The following GIGYF1 variants were observed in gnomAD, a reference collection of about 807,000 sequenced individuals.
GIGYF1 encodes the protein GRB10-interacting GYF protein 1.
Under a neutral mutation model 147.1 loss-of-function variants are expected in GIGYF1, and 84 were observed. The observed-to-expected ratio is 0.57, with a 90% CI of 0.48 to 0.68. GIGYF1 has a LOEUF of 0.68. GIGYF1 is among the 30% of genes least tolerant of loss of function. The pLI is 0.00. For missense variants in GIGYF1, 1,485 were observed against 1,393.7 expected (o/e 1.07, Z -1.04); for synonymous variants, 752 against 589.5 (o/e 1.28, Z -3.99).
At chr7:100,686,507 C>T (rs759882955) in intron 10 of GIGYF1, 74 bp from the exon 11 acceptor site, 429 of 1,521,536 alleles carry the variant, frequency 2.8e-4, no homozygotes, top group Non-Finnish European at 3.5e-4. Context: ...CTGCAGCTCA[C>T]GGAGCACCTC....
rs201523623 is a variant in GIGYF1, at chr7:100,687,488, C to T, written c.373+17G>A. On this transcript the variant is annotated intron_variant, in intron 7 of 26. Transcript: ENST00000678049. The stretch of plus-strand genomic sequence containing the variant: ...CCCAGATCTGCCCGTCCCCAGGACA[C>T]GCCATCACCCCTCTACCTCGGCTCC... 7.4e-5 allele frequency: 119 copies of T among 1,606,868 alleles called. 2 individuals are homozygous for T. The highest frequency in any genetic ancestry group is 3.8e-4 in the East Asian group (17 of 44,798).
rs1584508102 is a variant in GIGYF1, at chr7:100,688,994, G to A, written c.-537C>T. ...AGCCACAAATAGCTTACAGAGAAAA[G>A]GTCAGTTACGGAGAAAAGGATTAGA... is the stretch of plus-strand genomic sequence containing the variant. On this transcript the variant is annotated 5_prime_UTR_variant, in exon 2 of 27. Transcript: ENST00000678049. 1 of 153,056 alleles carries A rather than the reference G, an allele frequency of 6.5e-6. No individual in the cohort carries two copies. Among genetic ancestry groups the A allele is most frequent in the Non-Finnish European group, 1.5e-5 (1 of 68,560 alleles). The allele number at this position is 153,056 out of a possible 1,614,324, so 9.5% of individuals were successfully genotyped here.
chr7:100,682,317 C>T lies in GIGYF1; in HGVS notation c.2761+5G>A. On this transcript the variant is annotated splice_donor_5th_base_variant and intron_variant, in intron 24 of 26. Coordinates refer to ENST00000678049, the MANE Select transcript of GIGYF1 (RefSeq NM_001375765.1). Reference sequence around the variant, plus strand: ...CCGCCCACCTCCTGGGAGCCGCTCGCCCACCGTCCAGGCTGCCCGTGGCGC... The same window carrying T: ...CCGCCCACCTCCTGGGAGCCGCTCGTCCACCGTCCAGGCTGCCCGTGGCGC... 1 of 1,611,256 alleles carries T rather than the reference C, an allele frequency of 6.2e-7. No homozygotes were observed. The highest frequency in any genetic ancestry group is 1.1e-5 in the South Asian group (1 of 91,034).
At chr7:100,683,982 C>G (rs534789262) in intron 18 of GIGYF1, 38 bp downstream of exon 18, 122 of 1,584,792 alleles carry the variant, frequency 7.7e-5, no homozygotes, top group Middle Eastern at 6.6e-4. Flanking sequence ...CCATCCCCCC[C>G]CCACCCTGTA....
chr7:100,682,953 C>G, intron 22 of GIGYF1, 59 bp downstream of exon 22: 15 of 1,381,424 alleles, frequency 1.1e-5, no homozygotes, highest in Non-Finnish European at 1.4e-5. Flanking sequence ...TCAGTATCCC[C>G]CTCCCTGTGC....
At chr7:100,691,648 CT>C (rs1805839522) in intron 1 of GIGYF1, among the ~76,000 whole-genome samples, 1 of 152,072 alleles carries the variant, frequency 6.6e-6, no homozygotes, top group African/African-American at 2.4e-5. Context: ...GCTTACCCGG[CT>C]GAGCTTTCTC....
rs1805597679 is a variant in GIGYF1 at position 100,688,614 on chromosome 7, A to C, written c.-157T>G. 2 of 493,700 alleles carry C rather than the reference A, an allele frequency of 4.1e-6. No homozygotes were observed. Among genetic ancestry groups the C allele is most frequent in the South Asian group, 3.2e-5 (2 of 62,528 alleles). The allele number at this position is 493,700 out of a possible 1,614,324, so 30.6% of individuals were successfully genotyped here. A position where few individuals can be genotyped will look rare whatever the true frequency, so the allele number is the denominator to read the frequency against. ...CACCTGGCAGCCTGGCCCGGGAAGA[A>C]GGAGGGCAGGGGCTGGTGCTGGAGT... On this transcript the variant is annotated 5_prime_UTR_variant, in exon 2 of 27. Coordinates refer to ENST00000678049, the MANE Select transcript of GIGYF1 (RefSeq NM_001375765.1).
In GIGYF1 at chr7:100,682,435, T is replaced by C. The variant is rs1365722569; in HGVS notation, c.2648A>G (p.Glu883Gly). ...CAGCTTCAGCAGCTTCTCTTCTTCCTCCGTCTTTTTGCGAATGGGCCGACC... is the reference window on the plus strand; with the variant it reads ...CAGCTTCAGCAGCTTCTCTTCTTCCCCCGTCTTTTTGCGAATGGGCCGACC... ...LSGRPIRKKTEEEEKLLKLLQ... is the reference protein window; with the variant it reads ...LSGRPIRKKTGEEEKLLKLLQ... Residue 883 changes from glutamate (E) to glycine (G), a missense_variant, in exon 24 of 27, where the codon GAG becomes GGG. By Grantham distance (98) the Glu-to-Gly change is moderately conservative. Coordinates refer to ENST00000678049, the MANE Select transcript of GIGYF1 (RefSeq NM_001375765.1). The C allele has an allele frequency of 6.2e-7, 1 of 1,613,528 alleles. No homozygotes were observed.
Position 100,684,529 on chromosome 7 carries a change from C to A in GIGYF1, c.1550G>T (p.Gly517Val). Reference sequence around the variant, plus strand: ...GATCACCTCGCCCAGCGGCTGGAAGCCCTCATCGCAGCCCCGCTTCACCAG... The same window carrying A: ...GATCACCTCGCCCAGCGGCTGGAAGACCTCATCGCAGCCCCGCTTCACCAG... ...SLLVKRGCDEGFQPLGEVIKM... is the reference protein window; with the variant it reads ...SLLVKRGCDEVFQPLGEVIKM... Residue 517 changes from glycine to valine, a missense_variant, in exon 16 of 27, where the codon GGC becomes GTC. Coordinates refer to ENST00000678049, the MANE Select transcript of GIGYF1 (RefSeq NM_001375765.1). 1 of 1,614,022 alleles carries A rather than the reference C, an allele frequency of 6.2e-7. No individual in the cohort carries two copies. The highest frequency in any genetic ancestry group is 8.5e-7 in the Non-Finnish European group (1 of 1,180,034).
intron 1 of GIGYF1, among the ~76,000 whole-genome samples, chr7:100,691,921 C>T (rs1006188793): frequency 6.6e-6 from 1 of 152,286 alleles, no homozygotes; most frequent in Non-Finnish European, 1.5e-5. Context: ...CTCTGGGGCT[C>T]AGAACTCAAG....
chr7:100,690,781 C>A (rs1357083133), intron 1 of GIGYF1, among the ~76,000 whole-genome samples: 116 of 93,496 alleles, frequency 1.2e-3, no homozygotes, highest in South Asian at 1.6e-3. Flanking sequence ...GACTCTGTCT[C>A]AAAAAAAAAA....
Position 100,683,863 on chromosome 7 carries a change from A to C in GIGYF1, c.1924T>G (p.Ser642Ala), listed in dbSNP as rs1259295707. Residue 642 changes from serine to alanine, a missense_variant, in exon 19 of 27, where the codon TCG becomes GCG. Ser to Ala is a moderately conservative substitution (Grantham distance 99, BLOSUM62 1). Transcript: ENST00000678049. The stretch of plus-strand genomic sequence containing the variant: ...GTATGTACGTCCCAGAGGCGGCCCG[A>C]ATCTGGCACCGACAAGGACCGGCTC... ...TMSRSLSVPD[S>A]GRLWDVHTSA... The C allele has an allele frequency of 3.8e-6, 6 of 1,563,324 alleles. No individual in the cohort carries two copies. Among genetic ancestry groups the C allele is most frequent in the Non-Finnish European group, 5.2e-6 (6 of 1,153,358 alleles).
rs753290014 is a variant in GIGYF1 at position 100,685,329 on chromosome 7, A to G, written c.1192+15T>C. The G allele has an allele frequency of 6.3e-7, 1 of 1,583,950 alleles. No homozygotes were observed. Among genetic ancestry groups the G allele is most frequent in the Non-Finnish European group, 8.6e-7 (1 of 1,168,550 alleles). ...CCCCAGCGCACCCGGGAGGTAGGCC[A>G]TCCTCCCTTCCTACCTTCGGCCGCT... On this transcript the variant is annotated intron_variant, in intron 13 of 26. Coordinates refer to ENST00000678049, the MANE Select transcript of GIGYF1 (RefSeq NM_001375765.1).
chr7:100,682,698 C>G lies in GIGYF1; in HGVS notation c.2492G>C (p.Ser831Thr). 1.3e-6 allele frequency: 2 copies of G among 1,596,936 alleles called. No individual in the cohort carries two copies. The highest frequency in any genetic ancestry group is 3.4e-4 in the Middle Eastern group (2 of 5,962). Reference protein sequence around the residue: ...AGPLWGGPDKSGGGSSGLGLW... With the variant: ...AGPLWGGPDKTGGGSSGLGLW... Reference sequence around the variant, plus strand: ...CCCCAGGCCGCTGCTGCCGCCCCCACTCTTGTCTGGCCCGCCCCACAGTGG... The same window carrying G: ...CCCCAGGCCGCTGCTGCCGCCCCCAGTCTTGTCTGGCCCGCCCCACAGTGG... Residue 831 changes from serine to threonine, a missense_variant, in exon 23 of 27, where the codon AGT (serine) becomes ACT (threonine). Coordinates refer to ENST00000678049, the MANE Select transcript of GIGYF1 (RefSeq NM_001375765.1).
At chr7:100,690,185 G>A (rs1228546294) in intron 1 of GIGYF1, among the ~76,000 whole-genome samples, 1 of 152,184 alleles carries the variant, frequency 6.6e-6, no homozygotes, top group Non-Finnish European at 1.5e-5. Flanking sequence ...AAGGTATCTG[G>A]AGATAACCAC....
chr7:100,684,912 G>T lies in GIGYF1; in HGVS notation c.1291-18C>A. ...TCCGCCTCCTGGATGCCCAGAAAAA[G>T]AAGAAAGGCTCAGCTGCCAATCTCA... On this transcript the variant is annotated intron_variant, in intron 14 of 26. Transcript: ENST00000678049. 6.2e-7 allele frequency: 1 copy of T among 1,605,864 alleles called. No individual in the cohort carries two copies. Among genetic ancestry groups the T allele is most frequent in the Non-Finnish European group, 8.5e-7 (1 of 1,175,748 alleles).
Position 100,681,491 on chromosome 7 carries a change from A to T in GIGYF1, c.*228T>A. 2.5e-6 allele frequency: 1 copy of T among 393,348 alleles called. No individual in the cohort carries two copies. Among genetic ancestry groups the T allele is most frequent in the Non-Finnish European group, 4.4e-6 (1 of 228,220 alleles). The allele number at this position is 393,348 out of a possible 1,614,324, so 24.4% of individuals were successfully genotyped here. On this transcript the variant is annotated 3_prime_UTR_variant, in exon 27 of 27. Transcript: ENST00000678049. ...TTTTGCCTCTCCTAATGTTTTCTTCAGTCGTTTAAAATTAAAAAAAAAAAT... is the reference window on the plus strand; with the variant it reads ...TTTTGCCTCTCCTAATGTTTTCTTCTGTCGTTTAAAATTAAAAAAAAAAAT...
At chr7:100,686,126 G>T (rs1213003720) in intron 11 of GIGYF1, 47 bp from the exon 12 acceptor site, 1 of 1,602,218 alleles carries the variant, frequency 6.2e-7, no homozygotes, top group Admixed American at 1.7e-5. Context: ...GGGTGGGTGG[G>T]GAGGAAGAGG....
intron 19 of GIGYF1, 89 bp downstream of exon 19, chr7:100,683,729 G>A (rs1805026324): frequency 3.9e-6 from 6 of 1,551,992 alleles, no homozygotes; most frequent in Middle Eastern, 1.7e-4. Context: ...CAGAATGGCA[G>A]CTAGGGGCGT....
Sources: gnomAD v4.1 joint callset for allele counts (sites outside exome capture counted in the v4.1 genomes callset) on GRCh38, gnomAD v4.1.1 for gene constraint, MANE v1.5 for transcripts, NCBI Gene and HGNC (gene_info 2026-07-23, HGNC 2026-07-21) for gene names.